The following ESR1 variants were observed in gnomAD, a reference collection of about 807,000 sequenced individuals.
ESR1 encodes estrogen receptor 1.
Under a neutral mutation model 52.7 loss-of-function variants are expected in ESR1, and 12 were observed. The ratio of observed to expected loss-of-function variants is 0.23; its 90% CI spans 0.15 to 0.37. The LOEUF (loss-of-function observed/expected upper bound fraction) is 0.37. Ranked by LOEUF, ESR1 falls within the 10% of genes least tolerant of loss-of-function variation. The pLI is 1.00. For synonymous variants in ESR1, 305 were observed against 316.8 expected, an observed-to-expected ratio of 0.96 and a Z score of 0.39; for missense variants, 584 against 779.7, an observed-to-expected ratio of 0.75 and a Z score of 2.99.
intron 1 of ESR1, among the ~76,000 whole-genome samples, chr6:151,659,401 T>G (rs1777562988): frequency 6.6e-6 from 1 of 152,206 alleles, no homozygotes; most frequent in Admixed American, 6.5e-5. Context: ...CTCCCCACTC[T>G]TCTGGTTCCA....
At chr6:151,940,682 C>T (rs1183963162) in intron 3 of ESR1, among the ~76,000 whole-genome samples, 1 of 152,152 alleles carries the variant, frequency 6.6e-6, no homozygotes, top group Non-Finnish European at 1.5e-5. Context: ...TCCTTCTTCC[C>T]CAGTCACTTC....
chr6:151,933,389 G>A (rs1165176512), intron 3 of ESR1, among the ~76,000 whole-genome samples: 2 of 150,984 alleles, frequency 1.3e-5, no homozygotes, highest in Non-Finnish European at 2.9e-5. Flanking sequence ...ATACAATCAT[G>A]TCGTCTGCAA....
chr6:151,752,194 G>T (rs1783950540), intron 2 of ESR1, among the ~76,000 whole-genome samples: 1 of 152,190 alleles, frequency 6.6e-6, no homozygotes, highest in Non-Finnish European at 1.5e-5. Flanking sequence ...TAAGTGCCAT[G>T]CACCTGCAGT....
intron 2 of ESR1, among the ~76,000 whole-genome samples, chr6:151,717,354 T>C (rs577184075): frequency 6.6e-6 from 1 of 152,246 alleles, no homozygotes; most frequent in Non-Finnish European, 1.5e-5. Context: ...CATATTTATT[T>C]TGAATGAATT....
intron 1 of ESR1, among the ~76,000 whole-genome samples, chr6:151,657,006 T>C (rs1251299139): frequency 6.6e-6 from 1 of 152,180 alleles, no homozygotes; most frequent in Non-Finnish European, 1.5e-5. Context: ...TTTTAATTTA[T>C]AATGACAATC....
In ESR1 at chr6:152,100,128, C is replaced by T; in HGVS notation, c.*1162C>T. 1 of 398,772 alleles carries T rather than the reference C, an allele frequency of 2.5e-6. No homozygotes were observed. Among genetic ancestry groups the T allele is most frequent in the Non-Finnish European group, 4.4e-6 (1 of 226,182 alleles). The allele number at this position is 398,772 out of a possible 1,614,324, so 24.7% of individuals were successfully genotyped here. ...TGCAGCTACCTAGGAACATTCCTTG[C>T]AGACCCCGCATTGCCCTTTGGGGGT... On this transcript the variant is annotated 3_prime_UTR_variant, in exon 8 of 8. Coordinates refer to ENST00000206249, the MANE Select transcript of ESR1 (RefSeq NM_000125.4).
intron 2 of ESR1, among the ~76,000 whole-genome samples, chr6:151,788,226 C>G (rs1022943944): frequency 2.6e-5 from 4 of 152,122 alleles, no homozygotes; most frequent in Admixed American, 2.0e-4. Context: ...CCAAGGTCTA[C>G]TATCCAGCAT....
At chr6:151,754,655 C>G (rs1024901986) in intron 2 of ESR1, among the ~76,000 whole-genome samples, 2 of 152,190 alleles carry the variant, frequency 1.3e-5, no homozygotes, top group African/African-American at 2.4e-5. Context: ...TTCCAACATA[C>G]TTTGCCCTCC....
chr6:151,773,391 G>A (rs1785678192), intron 2 of ESR1, among the ~76,000 whole-genome samples: 1 of 152,176 alleles, frequency 6.6e-6, no homozygotes, highest in Non-Finnish European at 1.5e-5. Context: ...TGATGTTTAA[G>A]CCACCCACTT....
At chr6:152,087,331 CA>C (rs2049809140) in intron 6 of ESR1, among the ~76,000 whole-genome samples, 1 of 152,160 alleles carries the variant, frequency 6.6e-6, no homozygotes, top group South Asian at 2.1e-4. Flanking sequence ...AGGAGGTATA[CA>C]AAACATTCCT....
intron 2 of ESR1, among the ~76,000 whole-genome samples, chr6:151,844,806 TA>T (rs970034405): frequency 9.3e-5 from 14 of 150,866 alleles, no homozygotes; most frequent in African/African-American, 2.4e-4. Flanking sequence ...CCGAGAGAAA[TA>T]AAAAAAAAGT....
At chr6:151,790,085 C>A (rs1014558025) in intron 2 of ESR1, among the ~76,000 whole-genome samples, 1 of 152,168 alleles carries the variant, frequency 6.6e-6, no homozygotes, top group South Asian at 2.1e-4. Flanking sequence ...ATGCAGGTGG[C>A]ACCACACCCT....
At chr6:151,717,103 A>G (rs901932311) in intron 2 of ESR1, among the ~76,000 whole-genome samples, 5 of 152,120 alleles carry the variant, frequency 3.3e-5, no homozygotes, top group East Asian at 3.9e-4. Context: ...TCCCTTGGCT[A>G]GGGGAGGGAG....
intron 2 of ESR1, among the ~76,000 whole-genome samples, chr6:151,736,289 G>A (rs1034153986): frequency 1.3e-5 from 2 of 151,010 alleles, no homozygotes. Flanking sequence ...ATTGTATTGT[G>A]GATCATAAAC....
intron 4 of ESR1, among the ~76,000 whole-genome samples, chr6:152,010,751 A>G (rs528235809): frequency 1.4e-4 from 21 of 152,208 alleles, no homozygotes; most frequent in African/African-American, 4.8e-4. Context: ...TCTCATCTGT[A>G]CAATGGGAAT....
chr6:151,828,734 A>G (rs567762095), intron 1 of ESR1, among the ~76,000 whole-genome samples: 3 of 152,318 alleles, frequency 2.0e-5, no homozygotes, highest in Admixed American at 6.5e-5. Flanking sequence ...GGCATATCAC[A>G]CACATCAACC....
rs187580546 is a variant in ESR1, at chr6:151,894,493, T to A, written c.760+13722T>A. ...CATGTCTAGAAGGGTTTTTCTGACG[T>A]TAACTTCTAGAATTTTATGGTTCCA... On this transcript the variant is annotated intron_variant, in intron 3 of 7. Coordinates refer to ENST00000206249, the MANE Select transcript of ESR1 (RefSeq NM_000125.4). Among the ~76,000 whole-genome samples, 10 of 152,342 alleles carry A rather than the reference T, an allele frequency of 6.6e-5. No homozygotes were observed. The East Asian group carries it at 1.5e-3, about 24-fold the overall frequency.
At chr6:151,899,325 A>T (rs1326423250) in intron 3 of ESR1, among the ~76,000 whole-genome samples, 11 of 112,100 alleles carry the variant, frequency 9.8e-5, no homozygotes, top group Non-Finnish European at 1.6e-4. Flanking sequence ...TCCCTCCCGG[A>T]CGGGGCGGCT....
intron 5 of ESR1, among the ~76,000 whole-genome samples, chr6:152,057,761 C>A (rs1489035325): frequency 3.3e-5 from 5 of 151,844 alleles, no homozygotes; most frequent in Admixed American, 3.3e-4. Flanking sequence ...GGGGTATACA[C>A]CATCCCTGAG....
Sources: allele counts gnomAD v4.1 joint callset (sites outside exome capture counted in the v4.1 genomes callset), GRCh38; gene constraint gnomAD v4.1.1; transcripts MANE v1.5; gene names NCBI Gene and HGNC (gene_info 2026-07-23, HGNC 2026-07-21).